Variants in DTL observed in about 807,000 individuals in gnomAD.
The protein encoded by DTL is denticleless E3 ubiquitin protein ligase adapter, also known as denticleless protein homolog.
A neutral mutation model predicts 87.0 loss-of-function variants in DTL; 46 were observed. The ratio of observed to expected loss-of-function variants is 0.53; its 90% CI spans 0.42 to 0.68. The LOEUF (loss-of-function observed/expected upper bound fraction) is 0.68. Ranked by LOEUF, DTL falls within the 30% of genes least tolerant of loss-of-function variation. The pLI is 0.00. For synonymous variants in DTL, 308 were observed against 311.2 expected (o/e 0.99, Z 0.11); for missense variants, 737 against 869.4 (o/e 0.85, Z 1.91).
rs1654377156 is a variant in DTL at position 212,062,962 on chromosome 1, T to C, written c.526+13T>C. 1.2e-6 allele frequency: 2 copies of C among 1,602,602 alleles called. No individual in the cohort carries two copies. The highest frequency in any genetic ancestry group is 1.3e-5 in the African/African-American group (1 of 74,722). The stretch of plus-strand genomic sequence containing the variant: ...TGCAACAAAAAAGGTTATCTAGATC[T>C]ATTTTAATTTTGAGAGATTTGGGAT... On this transcript the variant is annotated intron_variant, in intron 6 of 14. Coordinates refer to ENST00000366991, the MANE Select transcript of DTL (RefSeq NM_016448.4).
At position 212,037,098 on chromosome 1, in the gene DTL, C is replaced by T. The variant is rs542697331; in HGVS notation, c.52+1156C>T. 5.3e-5 allele frequency among the ~76,000 whole-genome samples: 8 copies of T among 152,302 alleles called. No homozygotes were observed. The South Asian group carries it at 1.4e-3, about 28-fold the overall frequency. ...TGTCCTCTGTTTAAGAGTGACAGTA[C>T]GCACAGTGGCTAAGAACTCTGTCTT... On this transcript the variant is annotated intron_variant, in intron 1 of 14. Coordinates refer to ENST00000366991, the MANE Select transcript of DTL (RefSeq NM_016448.4).
intron 13 of DTL, among the ~76,000 whole-genome samples, chr1:212,093,259 G>C (rs1215806984): frequency 6.6e-6 from 1 of 152,164 alleles, no homozygotes; most frequent in Admixed American, 6.5e-5. Flanking sequence ...GCAGTGTCTG[G>C]GGGTGAATGT....
intron 1 of DTL, among the ~76,000 whole-genome samples, chr1:212,038,691 T>G (rs1667554963): frequency 6.6e-6 from 1 of 152,230 alleles, no homozygotes; most frequent in Admixed American, 6.5e-5. Flanking sequence ...CCTCCTAGTT[T>G]GTCTGTCTTC....
At chr1:212,078,437 C>T (rs1358691976) in intron 12 of DTL, among the ~76,000 whole-genome samples, 175 bp downstream of exon 12, 1 of 152,074 alleles carries the variant, frequency 6.6e-6, no homozygotes, top group Non-Finnish European at 1.5e-5. Context: ...CTTTTCTCTA[C>T]CCATACCATA....
chr1:212,059,722 T>C, intron 5 of DTL, among the ~76,000 whole-genome samples: 1 of 143,788 alleles, frequency 7.0e-6, no homozygotes, highest in South Asian at 2.2e-4. Context: ...GGAAAAGAAG[T>C]TGTATTTTCC....
At chr1:212,051,442 CTTTTTTTT>C (rs958429363) in intron 5 of DTL, 15 of 197,194 alleles carry the variant, frequency 7.6e-5, no homozygotes, top group African/African-American at 1.3e-4. Context: ...ATATGAAATT[CTTTTTTTT>C]TTTTTTTTTT....
At chr1:212,061,007 A>G (rs1024677248) in intron 5 of DTL, among the ~76,000 whole-genome samples, 1 of 152,234 alleles carries the variant, frequency 6.6e-6, no homozygotes, top group Non-Finnish European at 1.5e-5. Flanking sequence ...TGTAGAATGT[A>G]TACAAGGAAC....
intron 13 of DTL, among the ~76,000 whole-genome samples, chr1:212,086,492 G>A (rs1488844835): frequency 6.6e-6 from 1 of 152,040 alleles, no homozygotes; most frequent in African/African-American, 2.4e-5. Context: ...TTTCTCTCAA[G>A]CCATCCTACC....
At chr1:212,043,190 A>G (rs950238440) in intron 2 of DTL, 72 bp downstream of exon 2, 1 of 1,419,866 alleles carries the variant, frequency 7.0e-7, no homozygotes. Flanking sequence ...AAAATATACT[A>G]GAGTATTTCC....
intron 1 of DTL, among the ~76,000 whole-genome samples, chr1:212,037,450 A>G (rs1024241565): frequency 1.3e-5 from 2 of 152,026 alleles, no homozygotes; most frequent in Non-Finnish European, 2.9e-5. Context: ...CATACATACA[A>G]CCTTCTGTTA....
chr1:212,101,507 T>C (rs1655625818), intron 14 of DTL, among the ~76,000 whole-genome samples: 1 of 152,236 alleles, frequency 6.6e-6, no homozygotes, highest in Non-Finnish European at 1.5e-5. Context: ...CTGTTGTTCA[T>C]GGGAAAGTTG....
intron 5 of DTL, among the ~76,000 whole-genome samples, chr1:212,051,176 G>GATCTAT (rs1351863299): frequency 2.0e-5 from 3 of 151,888 alleles, no homozygotes; most frequent in Non-Finnish European, 4.4e-5. Flanking sequence ...TGTTGACCCA[G>GATCTAT]ATCTATATTC....
Position 212,100,463 on chromosome 1 carries a change from C to T in DTL, c.1473C>T (p.Pro491=), listed in dbSNP as rs1207733772. The T allele has an allele frequency of 6.2e-7, 1 of 1,613,932 alleles. No homozygotes were observed. The highest frequency in any genetic ancestry group is 8.5e-7 in the Non-Finnish European group (1 of 1,179,968). ...NRRGSVSSVS[P]KPPSSFKMSI... ...GAGGCTCTGTCTCCTCCGTCTCTCC[C>T]AAGCCACCTTCATCTTTCAAGATGT... The change falls in exon 14 of 15, where the codon CCC becomes CCT. Residue 491 remains proline, a synonymous_variant. Coordinates refer to ENST00000366991, the MANE Select transcript of DTL (RefSeq NM_016448.4).
chr1:212,084,870 G>C (rs776553967), intron 13 of DTL, among the ~76,000 whole-genome samples: 1 of 152,076 alleles, frequency 6.6e-6, no homozygotes, highest in African/African-American at 2.4e-5. Context: ...AGGATCCATG[G>C]GGGATTGGAT....
intron 5 of DTL, among the ~76,000 whole-genome samples, chr1:212,059,755 A>G (rs1169306976): frequency 2.3e-5 from 3 of 132,270 alleles, no homozygotes; most frequent in Admixed American, 8.5e-5. Flanking sequence ...ATGATCTTAT[A>G]TCTAGAAAAA....
At chr1:212,063,660 T>C (rs1033216467) in intron 6 of DTL, among the ~76,000 whole-genome samples, 3 of 152,208 alleles carry the variant, frequency 2.0e-5, no homozygotes, top group Non-Finnish European at 4.4e-5. Context: ...AAGCAGACGA[T>C]GATTATCTCA....
chr1:212,052,030 C>T (rs1668001262), intron 5 of DTL: 19 of 912,510 alleles, frequency 2.1e-5, no homozygotes, highest in Non-Finnish European at 3.2e-5. Context: ...TGGAAGATGG[C>T]GGTTCCGGCC....
chr1:212,047,556 A>G (rs1274751807), intron 5 of DTL, 139 bp downstream of exon 5: 1 of 1,223,014 alleles, frequency 8.2e-7, no homozygotes, highest in Admixed American at 2.4e-5. Flanking sequence ...TTTTTTGGAG[A>G]CAGTTTCGTT....
At chr1:212,098,532 G>T (rs1374445276) in intron 13 of DTL, among the ~76,000 whole-genome samples, 2 of 152,104 alleles carry the variant, frequency 1.3e-5, no homozygotes, top group African/African-American at 2.4e-5. Context: ...ACCATCTGGT[G>T]GGGGCAGGGA....
Sources: gnomAD v4.1 joint callset for allele counts (sites outside exome capture counted in the v4.1 genomes callset) on GRCh38, gnomAD v4.1.1 for gene constraint, MANE v1.5 for transcripts, NCBI Gene and HGNC (gene_info 2026-07-23, HGNC 2026-07-21) for gene names.